The following CTNNA2 variants were observed in gnomAD, a reference collection of about 807,000 sequenced individuals.
CTNNA2 encodes catenin alpha 2, also known as catenin alpha-2.
A neutral mutation model predicts 101.0 loss-of-function variants in CTNNA2; 42 were observed. The ratio of observed to expected loss-of-function variants is 0.42; its 90% CI spans 0.32 to 0.54. CTNNA2 has a LOEUF of 0.54. Ranked by LOEUF, CTNNA2 falls within the 20% of genes least tolerant of loss-of-function variation. CTNNA2 has a pLI of 0.14. For synonymous variants in CTNNA2, 450 were observed against 456.4 expected (o/e 0.99, Z 0.18); for missense variants, 871 against 1,223.1 (o/e 0.71, Z 4.29).
intron 3 of CTNNA2, among the ~76,000 whole-genome samples, chr2:79,754,510 C>T (rs1292661202): frequency 6.6e-6 from 1 of 152,124 alleles, no homozygotes; most frequent in Non-Finnish European, 1.5e-5. Flanking sequence ...CCTATAAATA[C>T]ATAAAGCAGC....
intron 4 of CTNNA2, among the ~76,000 whole-genome samples, chr2:79,391,775 A>G (rs1429417167): frequency 6.6e-6 from 1 of 152,184 alleles, no homozygotes; most frequent in East Asian, 1.9e-4. Context: ...TAAGTTTGCC[A>G]GGGCTGCCAT....
chr2:80,130,366 A>G (rs1702349739), intron 7 of CTNNA2, among the ~76,000 whole-genome samples: 1 of 152,202 alleles, frequency 6.6e-6, no homozygotes, highest in East Asian at 1.9e-4. Flanking sequence ...AATTCCCATT[A>G]TAGAGCAGTC....
intron 7 of CTNNA2, among the ~76,000 whole-genome samples, chr2:79,911,689 A>G (rs1028606969): frequency 6.6e-6 from 1 of 152,252 alleles, no homozygotes; most frequent in African/African-American, 2.4e-5. Flanking sequence ...CAGACAATAC[A>G]TCAATGGGTA....
intron 7 of CTNNA2, among the ~76,000 whole-genome samples, chr2:80,153,227 C>G (rs11678577): frequency 0.11 from 16,937 of 152,170 alleles, 2,237 homozygotes; most frequent in African/African-American, 0.32. Flanking sequence ...GCCATTGTTT[C>G]CCTCTATTAG....
intron 1 of CTNNA2, chr2:79,547,202 C>A (rs1458880251): frequency 2.0e-5 from 3 of 152,120 alleles, no homozygotes; most frequent in Admixed American, 2.0e-4. Flanking sequence ...CTCTTTGTGA[C>A]TAATTTTCCA....
intron 7 of CTNNA2, among the ~76,000 whole-genome samples, chr2:80,380,798 C>T (rs1676448199): frequency 6.6e-6 from 1 of 152,128 alleles, no homozygotes; most frequent in South Asian, 2.1e-4. Flanking sequence ...AAGTCTCCCC[C>T]TTCATAGACA....
intron 9 of CTNNA2, among the ~76,000 whole-genome samples, chr2:80,491,394 G>A (rs559224167): frequency 3.9e-5 from 6 of 152,220 alleles, no homozygotes; most frequent in African/African-American, 1.2e-4. Flanking sequence ...GATAGACAAC[G>A]GTTTTAATTT....
intron 9 of CTNNA2, among the ~76,000 whole-genome samples, chr2:80,422,812 A>C (rs1042685234): frequency 2.6e-5 from 4 of 152,210 alleles, no homozygotes; most frequent in Non-Finnish European, 5.9e-5. Flanking sequence ...TGAATGTATA[A>C]GATGAGCCTC....
intron 4 of CTNNA2, among the ~76,000 whole-genome samples, chr2:79,472,911 T>G (rs545190399): frequency 5.9e-5 from 9 of 152,368 alleles, no homozygotes; most frequent in African/African-American, 2.2e-4. Flanking sequence ...AATATACATT[T>G]TTATTGCTTT....
intron 7 of CTNNA2, among the ~76,000 whole-genome samples, chr2:80,085,670 G>A (rs1402546830): frequency 6.6e-6 from 1 of 151,934 alleles, no homozygotes; most frequent in Non-Finnish European, 1.5e-5. Flanking sequence ...TCTGCATGTT[G>A]TCTGTCTCTG....
intron 2 of CTNNA2, among the ~76,000 whole-genome samples, chr2:79,229,063 T>C (rs1013650917): frequency 2.0e-5 from 3 of 152,236 alleles, no homozygotes; most frequent in African/African-American, 2.4e-5. Flanking sequence ...GTCAAAAGTA[T>C]GTAGTCATGT....
chr2:80,059,101 T>G (rs946608718), intron 7 of CTNNA2, among the ~76,000 whole-genome samples: 1 of 152,188 alleles, frequency 6.6e-6, no homozygotes, highest in Non-Finnish European at 1.5e-5. Context: ...GACACTGCAT[T>G]TGTGTAGTTA....
At chr2:80,619,028 T>A in intron 17 of CTNNA2, 57 bp from the exon 18 acceptor site, 1 of 1,180,682 alleles carries the variant, frequency 8.5e-7, no homozygotes, top group Non-Finnish European at 1.1e-6. Context: ...GGTACTTTTT[T>A]TTTTTTTCTT....
At position 79,586,803 on chromosome 2, in the gene CTNNA2, T is replaced by C. The variant is rs1289697837; in HGVS notation, c.-5-64749T>C. On this transcript the variant is annotated intron_variant, in intron 1 of 18. Coordinates refer to ENST00000402739, the MANE Select transcript of CTNNA2 (RefSeq NM_001282597.3). ...AGTGTACACTGTACCCAATATGTCG[T>C]CTTTTATCCCTCACCACCCCCACCC... Among the ~76,000 whole-genome samples the C allele has an allele frequency of 3.3e-5, 5 of 152,230 alleles. No homozygotes were observed. In the East Asian group the frequency reaches 7.8e-4, roughly 24 times the overall value.
At position 79,829,693 on chromosome 2, in the gene CTNNA2, CTTATTTATTTATTTAT is replaced by C. The variant is rs144686881; in HGVS notation, c.299-28293_299-28278del. ...CTCGTAGGGAGATTTCTTTTTCTTT[CTTATTTATTTATTTAT>C]TTATTTATTTATTTATTTATTTATT... is the stretch of plus-strand genomic sequence containing the variant. On this transcript the variant is annotated intron_variant, in intron 3 of 18. Coordinates refer to ENST00000402739, the MANE Select transcript of CTNNA2 (RefSeq NM_001282597.3). 6.0e-4 allele frequency among the ~76,000 whole-genome samples: 87 copies of C among 144,610 alleles called. 1 individual carries two copies. The highest frequency in any genetic ancestry group is 2.1e-3 in the Admixed American group (31 of 14,644). The allele number at this position is 144,610 out of a possible 152,430, so 94.9% of individuals were successfully genotyped here. A position where few individuals can be genotyped will look rare whatever the true frequency, so the allele number is the denominator to read the frequency against.
chr2:80,081,532 T>C (rs1699147026), intron 7 of CTNNA2, among the ~76,000 whole-genome samples: 1 of 141,664 alleles, frequency 7.1e-6, no homozygotes, highest in African/African-American at 2.5e-5. Context: ...GTCTCTCACT[T>C]TGTTCTTTTC....
At chr2:80,617,550 C>T (rs2149800284) in intron 17 of CTNNA2, among the ~76,000 whole-genome samples, 1 of 151,808 alleles carries the variant, frequency 6.6e-6, no homozygotes, top group Admixed American at 6.6e-5. Context: ...AAACACCCAT[C>T]TTTTTATATG....
intron 9 of CTNNA2, among the ~76,000 whole-genome samples, chr2:80,530,548 A>C (rs1272138072): frequency 6.6e-6 from 1 of 152,204 alleles, no homozygotes; most frequent in African/African-American, 2.4e-5. Flanking sequence ...TTAGATAGCC[A>C]GGAAACGTTG....
At chr2:79,480,836 G>T (rs549075618) in intron 4 of CTNNA2, among the ~76,000 whole-genome samples, 1 of 151,862 alleles carries the variant, frequency 6.6e-6, no homozygotes, top group Non-Finnish European at 1.5e-5. Context: ...AACGTTTTCC[G>T]TGGTTTGCAT....
Sources: gnomAD v4.1 joint callset for allele counts (sites outside exome capture counted in the v4.1 genomes callset) on GRCh38, gnomAD v4.1.1 for gene constraint, MANE v1.5 for transcripts, NCBI Gene and HGNC (gene_info 2026-07-23, HGNC 2026-07-21) for gene names.